SPTLC1: variants seen among roughly 807,000 people sequenced by gnomAD.
SPTLC1 encodes the protein serine palmitoyltransferase 1.
In SPTLC1, 55 loss-of-function variants were observed where a neutral mutation model predicts 68.9. That is an observed-to-expected ratio of 0.80 (90% CI 0.64 to 1.00). The LOEUF (loss-of-function observed/expected upper bound fraction) is 1.00. Ranked by LOEUF, SPTLC1 falls within the 50% of genes least tolerant of loss-of-function variation. The pLI is 0.00. For missense variants in SPTLC1, 449 were observed against 573.1 expected, an observed-to-expected ratio of 0.78 and a Z score of 2.21; for synonymous variants, 197 against 201.6, an observed-to-expected ratio of 0.98 and a Z score of 0.19.
chr9:92,047,361 A>G, intron 10 of SPTLC1, 93 bp from the exon 11 acceptor site: 3 of 1,048,362 alleles, frequency 2.9e-6, no homozygotes, highest in Non-Finnish European at 4.4e-6. Context: ...ACTACTGAAC[A>G]GTGTGTACAT....
intron 14 of SPTLC1, among the ~76,000 whole-genome samples, chr9:92,034,389 A>T (rs951055939): frequency 1.3e-5 from 2 of 152,058 alleles, no homozygotes; most frequent in South Asian, 4.1e-4. Flanking sequence ...GTTTTTTCTC[A>T]AATGTTACTG....
intron 5 of SPTLC1, chr9:92,079,514 C>G: frequency 2.5e-6 from 4 of 1,613,774 alleles, no homozygotes; most frequent in Non-Finnish European, 3.4e-6. Context: ...ATTTAGTTGG[C>G]CTGTTCCCGG....
chr9:92,041,020 A>T (rs534072856), intron 12 of SPTLC1, among the ~76,000 whole-genome samples: 1 of 152,320 alleles, frequency 6.6e-6, no homozygotes, highest in East Asian at 1.9e-4. Context: ...CAAACATATC[A>T]TCTTATCCCA....
chr9:92,065,918 T>C (rs1834262660), intron 6 of SPTLC1, among the ~76,000 whole-genome samples: 2 of 152,168 alleles, frequency 1.3e-5, no homozygotes, highest in Non-Finnish European at 1.5e-5. Flanking sequence ...GTAATTATGA[T>C]AGAAGGTTCT....
At position 92,064,079 on chromosome 9, in the gene SPTLC1, T is replaced by C. The variant is rs546447823; in HGVS notation, c.560+3887A>G. Among the ~76,000 whole-genome samples, 6 of 152,358 alleles carry C rather than the reference T, an allele frequency of 3.9e-5. No homozygotes were observed. In the South Asian group the frequency reaches 1.0e-3, roughly 26 times the overall value. On this transcript the variant is annotated intron_variant, in intron 6 of 14. Transcript: ENST00000262554. ...AACTATTTACAGATGACATGACGAC[T>C]GTCTACATGGAAAATCCTAAGCAAT...
intron 3 of SPTLC1, among the ~76,000 whole-genome samples, chr9:92,082,447 T>A (rs561022088): frequency 1.4e-5 from 2 of 140,048 alleles, no homozygotes; most frequent in Admixed American, 1.6e-4. Flanking sequence ...TGTCCATGTG[T>A]TCTCAGTGTT....
chr9:92,107,735 G>C (rs1311479990), intron 3 of SPTLC1: 1 of 152,106 alleles, frequency 6.6e-6, no homozygotes, highest in Non-Finnish European at 1.5e-5. Flanking sequence ...CTGGGCGACA[G>C]AGCGAGACTC....
At chr9:92,040,765 A>C (rs1833320836) in intron 12 of SPTLC1, among the ~76,000 whole-genome samples, 1 of 151,586 alleles carries the variant, frequency 6.6e-6, no homozygotes, top group Non-Finnish European at 1.5e-5. Flanking sequence ...CTCAAAAGAA[A>C]AAAAAAAAAA....
chr9:92,092,546 T>C (rs928654957), intron 3 of SPTLC1, among the ~76,000 whole-genome samples: 28 of 152,226 alleles, frequency 1.8e-4, no homozygotes, highest in African/African-American at 6.3e-4. Flanking sequence ...CTGGCCAACA[T>C]GGTGAAACCC....
intron 8 of SPTLC1, among the ~76,000 whole-genome samples, chr9:92,051,584 G>A (rs1198502243): frequency 6.6e-6 from 1 of 152,114 alleles, no homozygotes; most frequent in Non-Finnish European, 1.5e-5. Context: ...GCTCATTTTC[G>A]CCACCTGTAG....
At chr9:92,058,054 T>C (rs866750547) in intron 7 of SPTLC1, among the ~76,000 whole-genome samples, 2 of 152,240 alleles carry the variant, frequency 1.3e-5, no homozygotes, top group Non-Finnish European at 2.9e-5. Flanking sequence ...TTTCTATTAC[T>C]GCATCATCAT....
chr9:92,072,767 T>G (rs1421478959), intron 5 of SPTLC1, among the ~76,000 whole-genome samples: 3 of 152,118 alleles, frequency 2.0e-5, no homozygotes, highest in Non-Finnish European at 4.4e-5. Context: ...TTAGACAACT[T>G]CGGTTGCAAA....
At chr9:92,110,840 A>G (rs1158450490) in intron 2 of SPTLC1, 1 of 152,228 alleles carries the variant, frequency 6.6e-6, no homozygotes, top group African/African-American at 2.4e-5. Context: ...GGCCTAGACT[A>G]TGTACAAAAT....
At chr9:92,038,984 C>CA (rs926641393) in intron 12 of SPTLC1, among the ~76,000 whole-genome samples, 7 of 152,144 alleles carry the variant, frequency 4.6e-5, no homozygotes, top group East Asian at 1.9e-4. Flanking sequence ...AAAACAAAAA[C>CA]AAAAAACAAA....
chr9:92,110,389 C>T (rs1282451200), intron 2 of SPTLC1: 3 of 152,200 alleles, frequency 2.0e-5, no homozygotes, highest in Non-Finnish European at 4.4e-5. Flanking sequence ...ATTCCTACCC[C>T]TGCCATGAGC....
At chr9:92,111,150 A>G (rs763032198) in intron 2 of SPTLC1, 1 of 152,192 alleles carries the variant, frequency 6.6e-6, no homozygotes, top group Non-Finnish European at 1.5e-5. Context: ...CGTATTTCCA[A>G]ATTAATTTTC....
chr9:92,087,311 G>A (rs1434396247), intron 3 of SPTLC1, among the ~76,000 whole-genome samples: 2 of 152,238 alleles, frequency 1.3e-5, no homozygotes, highest in East Asian at 1.9e-4. Context: ...TGGAGGAGGA[G>A]AGGCTCTCTG....
chr9:92,105,554 G>A, intron 3 of SPTLC1: 2 of 573,062 alleles, frequency 3.5e-6, no homozygotes, highest in Non-Finnish European at 6.2e-6. Flanking sequence ...GAGCGCCTCT[G>A]CCCGGCTGCT....
chr9:92,105,210 C>A (rs1835912816), intron 3 of SPTLC1: 3 of 1,534,110 alleles, frequency 2.0e-6, no homozygotes, highest in Non-Finnish European at 2.6e-6. Flanking sequence ...CTGCAACCGA[C>A]CCCTCCCCTG....
Sources: gnomAD v4.1 joint callset for allele counts (sites outside exome capture counted in the v4.1 genomes callset) on GRCh38, gnomAD v4.1.1 for gene constraint, MANE v1.5 for transcripts, NCBI Gene and HGNC (gene_info 2026-07-23, HGNC 2026-07-21) for gene names.